Variants in MBNL2 observed in about 807,000 individuals in gnomAD.
MBNL2 encodes the protein muscleblind-like protein 2.
In MBNL2, 17 loss-of-function variants were observed where a neutral mutation model predicts 41.9. The observed-to-expected ratio is 0.41, with a 90% CI of 0.28 to 0.61. MBNL2 has a LOEUF of 0.61. Ranked by LOEUF, MBNL2 falls within the 20% of genes least tolerant of loss-of-function variation. The pLI, the probability that MBNL2 is intolerant of heterozygous loss-of-function variation, is 0.35. For synonymous variants in MBNL2, 195 were observed against 182.9 expected (o/e 1.07, Z -0.53); for missense variants, 336 against 505.6 (o/e 0.66, Z 3.22).
chr13:97,302,750 G>A (rs1170886160), intron 2 of MBNL2, among the ~76,000 whole-genome samples: 1 of 152,166 alleles, frequency 6.6e-6, no homozygotes, highest in Non-Finnish European at 1.5e-5. Flanking sequence ...TTCAGCTGGG[G>A]CCCAGACTCT....
the MBNL2 span, among the ~76,000 whole-genome samples, chr13:97,187,565 C>A: frequency 7.6e-6 from 1 of 132,128 alleles, no homozygotes; most frequent in Non-Finnish European, 1.5e-5. Context: ...TTGCCTTCTG[C>A]CACTGGGAAT....
the MBNL2 span, among the ~76,000 whole-genome samples, chr13:97,210,280 T>C: frequency 0.04 from 6,154 of 152,296 alleles, 138 homozygotes; most frequent in African/African-American, 0.059. Flanking sequence ...AACTTTAAGA[T>C]TCAAATAGAT....
chr13:97,340,287 C>T (rs2061344523), intron 3 of MBNL2, among the ~76,000 whole-genome samples: 1 of 152,192 alleles, frequency 6.6e-6, no homozygotes, highest in African/African-American at 2.4e-5. Context: ...GGAACATATC[C>T]AACTGCGTCT....
At chr13:97,342,302 T>A (rs926305295) in intron 3 of MBNL2, among the ~76,000 whole-genome samples, 2 of 152,184 alleles carry the variant, frequency 1.3e-5, no homozygotes, top group East Asian at 3.8e-4. Context: ...TATGCTCTTG[T>A]CACTGCTGTG....
chr13:97,228,315 A>G (rs1437884030), intron 1 of MBNL2, among the ~76,000 whole-genome samples: 1 of 152,112 alleles, frequency 6.6e-6, no homozygotes, highest in Non-Finnish European at 1.5e-5. Flanking sequence ...AGGTGACATT[A>G]TGTTTTTCAG....
At chr13:97,159,312 C>A in the MBNL2 span, among the ~76,000 whole-genome samples, 25 of 151,948 alleles carry the variant, frequency 1.6e-4, no homozygotes, top group African/African-American at 5.8e-4. Flanking sequence ...GATGGGTTTC[C>A]TGAATACAGC....
At chr13:97,267,920 G>C (rs1366443849) in intron 1 of MBNL2, among the ~76,000 whole-genome samples, 11 of 152,206 alleles carry the variant, frequency 7.2e-5, no homozygotes, top group Admixed American at 5.9e-4. Flanking sequence ...CACACAGAAG[G>C]CAAGGAATGC....
intron 1 of MBNL2, among the ~76,000 whole-genome samples, chr13:97,233,939 C>T (rs2042835478): frequency 6.6e-6 from 1 of 150,548 alleles, no homozygotes; most frequent in Non-Finnish European, 1.5e-5. Context: ...GACGGCCCCA[C>T]CACACCACTC....
intron 2 of MBNL2, among the ~76,000 whole-genome samples, chr13:97,279,538 A>G (rs559051911): frequency 1.3e-5 from 2 of 152,338 alleles, no homozygotes; most frequent in South Asian, 4.1e-4. Flanking sequence ...AACAAGTCCA[A>G]ACTTTCAAGA....
chr13:97,158,239 A>T, the MBNL2 span, among the ~76,000 whole-genome samples: 1 of 151,382 alleles, frequency 6.6e-6, no homozygotes, highest in African/African-American at 2.4e-5. Context: ...ATCAGTGGTG[A>T]TATCTCCTTT....
intron 8 of MBNL2, among the ~76,000 whole-genome samples, chr13:97,385,007 C>G (rs78385850): frequency 0.03 from 4,565 of 152,164 alleles, 93 homozygotes; most frequent in Middle Eastern, 0.051. Context: ...GAGTCCTTAA[C>G]TACCCTAACA....
the MBNL2 span, among the ~76,000 whole-genome samples, chr13:97,170,775 TG>T: frequency 6.6e-6 from 1 of 152,190 alleles, no homozygotes; most frequent in Non-Finnish European, 1.5e-5. Flanking sequence ...TCTGGAATAA[TG>T]GCTGGCAATT....
At chr13:97,315,603 C>T (rs1294772462) in intron 2 of MBNL2, among the ~76,000 whole-genome samples, 3 of 152,180 alleles carry the variant, frequency 2.0e-5, no homozygotes, top group African/African-American at 7.2e-5. Context: ...GTCAGAGAGT[C>T]ATTCATGTGA....
At position 97,282,744 on chromosome 13, in the gene MBNL2, C is replaced by T. The variant is rs151218105; in HGVS notation, c.174+6335C>T. Among the ~76,000 whole-genome samples, 6 of 152,334 alleles carry T rather than the reference C, an allele frequency of 3.9e-5. No homozygotes were observed. In the East Asian group the frequency reaches 9.6e-4, roughly 24 times the overall value. ...CTGTTCTGGGTATATCAACCACTTC[C>T]CCTGTGCACCCTCTCTGGACACTAT... is the stretch of plus-strand genomic sequence containing the variant. On this transcript the variant is annotated intron_variant, in intron 2 of 8. Coordinates refer to ENST00000679496, the MANE Select transcript of MBNL2 (RefSeq NM_001382683.1).
intron 7 of MBNL2, among the ~76,000 whole-genome samples, chr13:97,361,930 TG>T (rs1566441388): frequency 6.6e-6 from 1 of 151,984 alleles, no homozygotes; most frequent in South Asian, 2.1e-4. Context: ...CCATCACACC[TG>T]GCTAATTTTT....
At chr13:97,206,841 T>G in the MBNL2 span, among the ~76,000 whole-genome samples, 1 of 152,170 alleles carries the variant, frequency 6.6e-6, no homozygotes, top group African/African-American at 2.4e-5. Flanking sequence ...GAGAATGGCA[T>G]GGGGTTCAAA....
chr13:97,177,205 G>A, the MBNL2 span, among the ~76,000 whole-genome samples: 2 of 152,086 alleles, frequency 1.3e-5, no homozygotes, highest in Non-Finnish European at 2.9e-5. Context: ...CAGGCATGGT[G>A]GCATGTGCCT....
the MBNL2 span, among the ~76,000 whole-genome samples, chr13:97,214,267 G>C: frequency 2.0e-5 from 3 of 152,064 alleles, no homozygotes; most frequent in African/African-American, 7.2e-5. Flanking sequence ...ACTCTTTCCT[G>C]GTTTTTTAAA....
intron 2 of MBNL2, among the ~76,000 whole-genome samples, chr13:97,317,428 AG>A (rs2059152987): frequency 1.3e-5 from 2 of 152,222 alleles, no homozygotes; most frequent in South Asian, 4.1e-4. Context: ...GGTCATCTGA[AG>A]GAGGTGGACA....
Sources: allele counts gnomAD v4.1 joint callset (sites outside exome capture counted in the v4.1 genomes callset), GRCh38; gene constraint gnomAD v4.1.1; transcripts MANE v1.5; gene names NCBI Gene and HGNC (gene_info 2026-07-23, HGNC 2026-07-21).